Variants in MEI1 observed in about 807,000 individuals in gnomAD.
MEI1 encodes meiotic double-stranded break formation protein 1.
MEI1 carries 103 observed loss-of-function variants against 146.2 expected under a neutral mutation model. The ratio of observed to expected loss-of-function variants is 0.70; its 90% CI spans 0.60 to 0.83. The LOEUF (loss-of-function observed/expected upper bound fraction) is 0.83, where lower values mean the gene tolerates loss of function less well. MEI1 is among the 40% of genes least tolerant of loss of function. The pLI, the probability that MEI1 is intolerant of heterozygous loss-of-function variation, is 0.00. For missense variants in MEI1, 1,529 were observed against 1,533.0 expected (o/e 1.00, Z 0.04); for synonymous variants, 652 against 628.2 (o/e 1.04, Z -0.57).
At position 41,795,355 on chromosome 22, in the gene MEI1, A is replaced by G. The variant is rs376566531; in HGVS notation, c.3535-56A>G. The G allele has an allele frequency of 1.2e-6, 2 of 1,603,152 alleles. No homozygotes were observed. The highest frequency in any genetic ancestry group is 2.2e-5 in the East Asian group (1 of 44,748). ...TAAAGTTGGGGCACAGCAGTTGTCT[A>G]TGATGAAGGAGATGCCAAATCACTG... is the stretch of plus-strand genomic sequence containing the variant. On this transcript the variant is annotated intron_variant, in intron 28 of 30. Transcript: ENST00000401548. The surrounding 1 kb of genome is among the most constrained non-coding windows in gnomAD (Gnocchi z 4.2).
chr22:41,748,831 T>A (rs2073527983), intron 15 of MEI1, among the ~76,000 whole-genome samples: 1 of 151,560 alleles, frequency 6.6e-6, no homozygotes, highest in Non-Finnish European at 1.5e-5. Context: ...TGAGATTGAG[T>A]CTCGCCCTGT....
Position 41,703,435 on chromosome 22 carries a change from C to T in MEI1, c.279C>T (p.His93=), listed in dbSNP as rs781134339. The change falls in exon 2 of 31, where the codon CAC becomes CAT. Residue 93 remains histidine (H), a synonymous_variant. Coordinates refer to ENST00000401548, the MANE Select transcript of MEI1 (RefSeq NM_152513.4). ...LVSQDQRVCI[H]FISVLFGLLC... ...CTCAGGATCAGAGAGTCTGCATCCA[C>T]TTCATAAGTGTGCTTTTTGGTAAGA... 6.3e-7 allele frequency: 1 copy of T among 1,590,612 alleles called. No homozygotes were observed.
intron 11 of MEI1, 46 bp from the exon 12 acceptor site, chr22:41,743,034 A>G: frequency 7.2e-7 from 1 of 1,390,040 alleles, no homozygotes; most frequent in East Asian, 2.3e-5. Flanking sequence ...TATCTTGGGA[A>G]TACCGTTGCC....
intron 1 of MEI1, among the ~76,000 whole-genome samples, chr22:41,701,676 G>A (rs1373112997): frequency 3.9e-5 from 6 of 152,072 alleles, no homozygotes; most frequent in South Asian, 2.1e-4. Flanking sequence ...ACAGTGCAGC[G>A]GGGAGAAATA....
chr22:41,709,484 G>A, intron 3 of MEI1: 1 of 642,568 alleles, frequency 1.6e-6, no homozygotes, highest in Non-Finnish European at 2.9e-6. Context: ...TTTGTCTTGG[G>A]CATGGTGGCA....
chr22:41,746,151 A>G, intron 14 of MEI1, 125 bp downstream of exon 14: 3 of 765,446 alleles, frequency 3.9e-6, no homozygotes, highest in Middle Eastern at 8.4e-4. Context: ...CAGCAGTGCA[A>G]TTCTTGCTGC....
intron 4 of MEI1, 49 bp downstream of exon 4, chr22:41,714,124 C>A: frequency 6.6e-7 from 1 of 1,511,574 alleles, no homozygotes; most frequent in Non-Finnish European, 9.0e-7. Context: ...CCTCAGATGT[C>A]AGAGCTGGGT....
intron 3 of MEI1, among the ~76,000 whole-genome samples, chr22:41,707,314 A>G (rs1383732981): frequency 6.6e-6 from 1 of 152,224 alleles, no homozygotes; most frequent in African/African-American, 2.4e-5. Context: ...CTGGGGGAAC[A>G]AAGGAAAGAG....
At chr22:41,771,801 G>A (rs2075197074) in intron 20 of MEI1, among the ~76,000 whole-genome samples, 1 of 152,116 alleles carries the variant, frequency 6.6e-6, no homozygotes, top group Non-Finnish European at 1.5e-5. Flanking sequence ...CAACAAATTA[G>A]ATACCAAGGA....
chr22:41,767,148 T>C (rs2074909059), intron 19 of MEI1, among the ~76,000 whole-genome samples: 1 of 152,192 alleles, frequency 6.6e-6, no homozygotes. Context: ...ATTTGCCTGC[T>C]AGCTCCCAGG....
At chr22:41,699,915 C>T (rs950782096) in intron 1 of MEI1, among the ~76,000 whole-genome samples, 4 of 152,242 alleles carry the variant, frequency 2.6e-5, no homozygotes, top group Non-Finnish European at 5.9e-5. Context: ...GGCCTGCGGG[C>T]CTCCGTGGAG....
At chr22:41,745,719 C>G (rs1483364982) in intron 13 of MEI1, among the ~76,000 whole-genome samples, 166 bp from the exon 14 acceptor site, 1 of 152,054 alleles carries the variant, frequency 6.6e-6, no homozygotes, top group Non-Finnish European at 1.5e-5. Context: ...AGCCAGGGAT[C>G]AAGTCCTCTC....
In MEI1 at chr22:41,768,663, T is replaced by C. The variant is rs1483935162; in HGVS notation, c.2269-2023T>C. On this transcript the variant is annotated intron_variant, in intron 19 of 30. Transcript: ENST00000401548. ...GCAAAGGGGAAGCTGGCATATCTTATATGGCTGGAGAAGGAGGAAGAGAGT... is the reference window on the plus strand; with the variant it reads ...GCAAAGGGGAAGCTGGCATATCTTACATGGCTGGAGAAGGAGGAAGAGAGT... 1.3e-5 allele frequency among the ~76,000 whole-genome samples: 2 copies of C among 152,116 alleles called. 1 individual carries two copies. The highest frequency in any genetic ancestry group is 2.9e-5 in the Non-Finnish European group (2 of 68,022).
Position 41,793,908 on chromosome 22 carries a change from T to C in MEI1, c.3425T>C (p.Ile1142Thr). ...LDYLDARSPDIALHVASQPWN... is the reference protein window; with the variant it reads ...LDYLDARSPDTALHVASQPWN... ...TACCTGGATGCCCGGAGCCCAGACA[T>C]TGGTAGAAACTCTCCACATTATCTG... The change falls in exon 27 of 31, where the codon ATT becomes ACT. Residue 1142 changes from isoleucine (I) to threonine (T), a missense_variant and splice_region_variant. This residue lies in a region of MEI1 where 313 missense variants were observed against 337.3 expected (regional missense o/e 0.93). Coordinates refer to ENST00000401548, the MANE Select transcript of MEI1 (RefSeq NM_152513.4). 1.9e-6 allele frequency: 3 copies of C among 1,611,278 alleles called. No homozygotes were observed. The highest frequency in any genetic ancestry group is 2.5e-6 in the Non-Finnish European group (3 of 1,178,744).
intron 3 of MEI1, among the ~76,000 whole-genome samples, chr22:41,713,532 A>G (rs2069804006): frequency 6.6e-6 from 1 of 151,152 alleles, no homozygotes; most frequent in Non-Finnish European, 1.5e-5. Context: ...GTGCACACAT[A>G]GTTGTTTTTT....
intron 11 of MEI1, among the ~76,000 whole-genome samples, chr22:41,739,771 A>T (rs1210918646): frequency 1.3e-5 from 2 of 152,098 alleles, no homozygotes; most frequent in Admixed American, 1.3e-4. Context: ...GCTAGAGGGG[A>T]CCAGTAGTGC....
rs749158203 is a variant in MEI1 at position 41,753,948 on chromosome 22, G to T, written c.1854-1G>T. ...CTATTCTTTCTTCTTCTCCCTCTAA[G>T]TCACTCAGCCCTAAACCAGGTGTGT... On this transcript the variant is annotated splice_acceptor_variant, in intron 16 of 30. Transcript: ENST00000401548. LOFTEE classifies it high-confidence loss of function. 6.2e-7 allele frequency: 1 copy of T among 1,604,306 alleles called. No homozygotes were observed. Among genetic ancestry groups the T allele is most frequent in the Non-Finnish European group, 8.5e-7 (1 of 1,171,218 alleles).
intron 30 of MEI1, among the ~76,000 whole-genome samples, 186 bp downstream of exon 30, chr22:41,796,033 A>G (rs913602212): frequency 4.6e-5 from 7 of 152,146 alleles, no homozygotes; most frequent in African/African-American, 1.7e-4. Flanking sequence ...CCAGGCCATA[A>G]GAAGCTGTGG....
At chr22:41,731,619 A>G (rs757814158) in intron 9 of MEI1, among the ~76,000 whole-genome samples, 3 of 152,146 alleles carry the variant, frequency 2.0e-5, no homozygotes, top group Non-Finnish European at 4.4e-5. Flanking sequence ...CGGCCTCCCA[A>G]AGTGCTGGGA....
Sources: gnomAD v4.1 joint callset for allele counts (sites outside exome capture counted in the v4.1 genomes callset) on GRCh38, gnomAD v4.1.1 for gene constraint, gnomAD v4.1.1 regional missense constraint, Gnocchi (gnomAD v3.1) non-coding constraint, MANE v1.5 for transcripts, NCBI Gene and HGNC (gene_info 2026-07-23, HGNC 2026-07-21) for gene names.